Variants in VEPH1 observed in about 807,000 individuals in gnomAD.
VEPH1 encodes the protein ventricular zone-expressed PH domain-containing protein homolog 1.
Under a neutral mutation model 85.2 loss-of-function variants are expected in VEPH1, and 80 were observed. The ratio of observed to expected loss-of-function variants is 0.94; its 90% confidence interval spans 0.78 to 1.13. VEPH1 has a LOEUF of 1.13. Ranked by LOEUF, VEPH1 falls within the 50% of genes most tolerant of loss-of-function variation. The pLI, the probability that VEPH1 is intolerant of heterozygous loss-of-function variation, is 0.00. For missense variants in VEPH1, 955 were observed against 980.5 expected, an observed-to-expected ratio of 0.97 and a Z score of 0.35; for synonymous variants, 297 against 348.0, an observed-to-expected ratio of 0.85 and a Z score of 1.63.
intron 2 of VEPH1, among the ~76,000 whole-genome samples, 199 bp downstream of exon 2, chr3:157,495,013 C>T (rs549710774): frequency 3.9e-5 from 6 of 152,280 alleles, no homozygotes; most frequent in African/African-American, 1.4e-4. Context: ...AAAAGATGAT[C>T]TAACTGCCCC....
At chr3:157,385,140 C>T (rs1300958442) in intron 6 of VEPH1, among the ~76,000 whole-genome samples, 1 of 151,382 alleles carries the variant, frequency 6.6e-6, no homozygotes, top group East Asian at 1.9e-4. Flanking sequence ...AGATAGGAGA[C>T]TAACTTGCTC....
At chr3:157,371,211 C>A (rs1300817645) in intron 7 of VEPH1, among the ~76,000 whole-genome samples, 1 of 152,208 alleles carries the variant, frequency 6.6e-6, no homozygotes, top group African/African-American at 2.4e-5. Context: ...AAGAGAGGGA[C>A]TCTCCTACTC....
At chr3:157,262,277 T>C (rs1713013641) in intron 13 of VEPH1, among the ~76,000 whole-genome samples, 1 of 152,188 alleles carries the variant, frequency 6.6e-6, no homozygotes, top group East Asian at 1.9e-4. Flanking sequence ...TCCTCATCTA[T>C]TTCATTATGA....
intron 4 of VEPH1, among the ~76,000 whole-genome samples, chr3:157,450,481 A>T (rs935650231): frequency 2.6e-5 from 4 of 151,884 alleles, no homozygotes; most frequent in African/African-American, 9.7e-5. Context: ...CTTCTGTGCC[A>T]CAGTAAATAG....
intron 12 of VEPH1, among the ~76,000 whole-genome samples, chr3:157,278,171 GAGA>G (rs1223861296): frequency 6.6e-6 from 1 of 152,192 alleles, no homozygotes; most frequent in Non-Finnish European, 1.5e-5. Context: ...CAATGTTATG[GAGA>G]AGAAGTTTGG....
chr3:157,297,255 G>A (rs1020113381), intron 11 of VEPH1, among the ~76,000 whole-genome samples: 4 of 152,074 alleles, frequency 2.6e-5, no homozygotes, highest in African/African-American at 9.7e-5. Context: ...CTAATGCTAG[G>A]TGCCTGAGAA....
chr3:157,299,454 G>A (rs1340643430), intron 11 of VEPH1, among the ~76,000 whole-genome samples: 1 of 151,218 alleles, frequency 6.6e-6, no homozygotes, highest in African/African-American at 2.4e-5. Context: ...CAACTACTAG[G>A]GAGGCTGAGG....
chr3:157,367,004 G>GAC (rs576427959), intron 7 of VEPH1, among the ~76,000 whole-genome samples: 5 of 152,294 alleles, frequency 3.3e-5, no homozygotes, highest in African/African-American at 1.2e-4. Flanking sequence ...GAATTCACCT[G>GAC]TAGGTCCAGC....
At chr3:157,469,231 G>A (rs1465441308) in intron 3 of VEPH1, among the ~76,000 whole-genome samples, 1 of 152,174 alleles carries the variant, frequency 6.6e-6, no homozygotes, top group Non-Finnish European at 1.5e-5. Context: ...ATACAGTGTG[G>A]TGGTGCATGA....
At position 157,314,330 on chromosome 3, in the gene VEPH1, C is replaced by CAAAA. The variant is rs34703314; in HGVS notation, c.1876-579_1876-576dup. Among the ~76,000 whole-genome samples, 290 of 43,148 alleles carry CAAAA rather than the reference C, an allele frequency of 6.7e-3. 22 individuals are homozygous for CAAAA. The highest frequency in any genetic ancestry group is 9.4e-3 in the Non-Finnish European group (148 of 15,824). The allele number at this position is 43,148 out of a possible 152,430, so 28.3% of individuals were successfully genotyped here. ...CCTGGGTGACAGAGGGAGGATCCGT[C>CAAAA]AAAAAAAAAAAAAAAAAAAAAAAAA... On this transcript the variant is annotated intron_variant, in intron 10 of 13. Coordinates refer to ENST00000362010, the MANE Select transcript of VEPH1 (RefSeq NM_001167912.2).
chr3:157,483,942 C>CT (rs1182425104), intron 2 of VEPH1, among the ~76,000 whole-genome samples: 76 of 152,052 alleles, frequency 5.0e-4, no homozygotes, highest in African/African-American at 1.7e-3. Flanking sequence ...AGTTTAAGAA[C>CT]TTTACAAAAT....
intron 9 of VEPH1, among the ~76,000 whole-genome samples, chr3:157,350,850 T>C (rs1472487651): frequency 6.6e-6 from 1 of 152,124 alleles, no homozygotes; most frequent in African/African-American, 2.4e-5. Context: ...ACAGTGGCTA[T>C]TATCAAAAAG....
intron 7 of VEPH1, 112 bp from the exon 8 acceptor site, chr3:157,364,624 T>G (rs1273440193): frequency 9.8e-7 from 1 of 1,025,592 alleles, no homozygotes; most frequent in African/African-American, 1.6e-5. Context: ...GCCTGATAAT[T>G]TTTTTCATTG....
intron 2 of VEPH1, among the ~76,000 whole-genome samples, chr3:157,487,007 T>C (rs1393176527): frequency 1.3e-5 from 2 of 152,230 alleles, no homozygotes; most frequent in South Asian, 2.1e-4. Context: ...TGTAGAATGA[T>C]ACTAAATGTT....
At chr3:157,338,814 G>A (rs2049241) in intron 9 of VEPH1, among the ~76,000 whole-genome samples, 17,187 of 152,202 alleles carry the variant, frequency 0.11, 3,093 homozygotes, top group African/African-American at 0.38. Context: ...CACATTGATG[G>A]TATGGACATC....
At chr3:157,372,621 T>G (rs1727633665) in intron 7 of VEPH1, among the ~76,000 whole-genome samples, 1 of 152,174 alleles carries the variant, frequency 6.6e-6, no homozygotes. Flanking sequence ...AATAAAATAT[T>G]AGGTATTAAA....
intron 6 of VEPH1, among the ~76,000 whole-genome samples, chr3:157,395,480 C>T (rs911126536): frequency 2.0e-5 from 3 of 152,160 alleles, no homozygotes; most frequent in African/African-American, 7.2e-5. Context: ...TTCTCTGACA[C>T]CATGGCAACT....
rs1209889433 is a variant in VEPH1, at chr3:157,363,460, G to A, written c.1639C>T (p.Leu547Phe). Reference sequence around the variant, plus strand: ...AGGTTTTTTTTTAAGTGCAAGTAGAGCTTATCTTGGTATTCTATAGGACTT... The same window carrying A: ...AGGTTTTTTTTTAAGTGCAAGTAGAACTTATCTTGGTATTCTATAGGACTT... ...TASPIEYQDK[L>F]YLHLKKNLSK... The change falls in exon 9 of 14, where the codon CTC (leucine) becomes TTC (phenylalanine). Residue 547 changes from leucine to phenylalanine, a missense_variant. Leu to Phe is a conservative substitution (Grantham distance 22, BLOSUM62 0). Transcript: ENST00000362010. 2 of 1,613,818 alleles carry A rather than the reference G, an allele frequency of 1.2e-6. No homozygotes were observed. Among genetic ancestry groups the A allele is most frequent in the Non-Finnish European group, 8.5e-7 (1 of 1,179,962 alleles).
intron 9 of VEPH1, among the ~76,000 whole-genome samples, chr3:157,346,830 G>A (rs913144799): frequency 6.6e-6 from 1 of 152,024 alleles, no homozygotes; most frequent in South Asian, 2.1e-4. Context: ...TGCCCAAGCT[G>A]ATCTAGAGCT....
Sources: gnomAD v4.1 joint callset for allele counts (sites outside exome capture counted in the v4.1 genomes callset) on GRCh38, gnomAD v4.1.1 for gene constraint, MANE v1.5 for transcripts, NCBI Gene and HGNC (gene_info 2026-07-23, HGNC 2026-07-21) for gene names.